The following BAZ1B variants were observed in gnomAD, a reference collection of about 807,000 sequenced individuals.
The protein encoded by BAZ1B is bromodomain adjacent to zinc finger domain 1B, also known as tyrosine-protein kinase BAZ1B.
BAZ1B carries 22 observed loss-of-function variants against 153.8 expected under a neutral mutation model. The ratio of observed to expected loss-of-function variants is 0.14; its 90% confidence interval spans 0.10 to 0.20. The LOEUF is 0.20. BAZ1B is among the 10% of genes least tolerant of loss of function. The pLI is 1.00. For missense variants in BAZ1B, 1,325 were observed against 1,799.3 expected (o/e 0.74, Z 4.77); for synonymous variants, 676 against 633.4 (o/e 1.07, Z -1.01).
chr7:73,461,910 T>C (rs1466474577), intron 12 of BAZ1B, among the ~76,000 whole-genome samples: 1 of 152,196 alleles, frequency 6.6e-6, no homozygotes, highest in African/African-American at 2.4e-5. Context: ...GGCAACATAG[T>C]GAGATTTTGT....
At chr7:73,442,582 G>A (rs1563359574) in intron 18 of BAZ1B, 29 bp from the exon 19 acceptor site, 2 of 1,590,932 alleles carry the variant, frequency 1.3e-6, no homozygotes, top group East Asian at 2.2e-5. Context: ...TGGAGAATCT[G>A]CACAGCCTTG....
In BAZ1B at chr7:73,449,659, T is replaced by C; in HGVS notation, c.3611A>G (p.Glu1204Gly). The C allele has an allele frequency of 1.2e-6, 2 of 1,614,044 alleles. No homozygotes were observed. Among genetic ancestry groups the C allele is most frequent in the Non-Finnish European group, 1.7e-6 (2 of 1,179,992 alleles). ...AAACAGGTGGAAGGCTTTATTACAC[T>C]CATCACACAAGATCAATTTGTCATC... Reference protein sequence around the residue: ...GEDDKLILCDECNKAFHLFCL... With the variant: ...GEDDKLILCDGCNKAFHLFCL... The change falls in exon 15 of 20, where the codon GAG (glutamate) becomes GGG (glycine). Residue 1204 changes from glutamate (E) to glycine (G), a missense_variant. Glu to Gly is a moderately conservative substitution (Grantham distance 98, BLOSUM62 -2). Coordinates refer to ENST00000339594, the MANE Select transcript of BAZ1B (RefSeq NM_032408.4).
chr7:73,508,914 G>A (rs1790458976), intron 2 of BAZ1B, among the ~76,000 whole-genome samples: 1 of 151,996 alleles, frequency 6.6e-6, no homozygotes, highest in South Asian at 2.1e-4. Flanking sequence ...TTGGGAGGCT[G>A]AGGCAGGAGA....
chr7:73,490,132 T>C (rs1310938094), intron 5 of BAZ1B, among the ~76,000 whole-genome samples: 1 of 152,150 alleles, frequency 6.6e-6, no homozygotes, highest in African/African-American at 2.4e-5. Context: ...ACTATTAAAA[T>C]GCAGATGTTT....
intron 3 of BAZ1B, among the ~76,000 whole-genome samples, chr7:73,505,224 T>C (rs961545642): frequency 2.0e-5 from 3 of 152,214 alleles, no homozygotes; most frequent in Admixed American, 6.5e-5. Context: ...TTTCCAGATA[T>C]GCTTCTGGAA....
intron 3 of BAZ1B, among the ~76,000 whole-genome samples, chr7:73,507,789 G>A (rs570721463): frequency 1.3e-5 from 2 of 152,154 alleles, no homozygotes; most frequent in African/African-American, 4.8e-5. Flanking sequence ...GCTTAAGCCA[G>A]GGAGTCCAAG....
chr7:73,518,738 T>TA (rs1554579722), intron 1 of BAZ1B, among the ~76,000 whole-genome samples: 1 of 152,166 alleles, frequency 6.6e-6, no homozygotes, highest in South Asian at 2.1e-4. Context: ...AAACATGCTC[T>TA]AGTCACACTT....
chr7:73,472,265 T>G (rs1231919613), intron 7 of BAZ1B, among the ~76,000 whole-genome samples: 3 of 152,064 alleles, frequency 2.0e-5, no homozygotes, highest in Non-Finnish European at 4.4e-5. Flanking sequence ...TTTTTTTTTT[T>G]TCTTTTTTTT....
chr7:73,452,123 G>T (rs1167658778), intron 13 of BAZ1B, among the ~76,000 whole-genome samples: 1 of 152,096 alleles, frequency 6.6e-6, no homozygotes, highest in Non-Finnish European at 1.5e-5. Context: ...AAATTTGAAG[G>T]TGTTTTGGGA....
At chr7:73,505,179 G>T (rs1790286344) in intron 3 of BAZ1B, among the ~76,000 whole-genome samples, 1 of 152,114 alleles carries the variant, frequency 6.6e-6, no homozygotes, top group Non-Finnish European at 1.5e-5. Flanking sequence ...AAAGATAAAG[G>T]GTGGAGCTTT....
Position 73,442,347 on chromosome 7 carries a change from T to TG in BAZ1B, c.4300dup (p.Gln1434ProfsTer9). 6.2e-7 allele frequency: 1 copy of TG among 1,614,244 alleles called. No homozygotes were observed. The highest frequency in any genetic ancestry group is 8.5e-7 in the Non-Finnish European group (1 of 1,180,058). ...TTTATGCAACAGAGCCACTAGACAC[T>TG]GTTCTGTCTTCACCATGCAGCTTAG... On this transcript the variant is annotated frameshift_variant, in exon 19 of 20. Transcript: ENST00000339594. LOFTEE classifies it high-confidence loss of function.
intron 1 of BAZ1B, among the ~76,000 whole-genome samples, chr7:73,515,632 G>A (rs559030837): frequency 1.3e-5 from 2 of 150,606 alleles, no homozygotes; most frequent in South Asian, 2.1e-4. Flanking sequence ...TTGCCTCCTG[G>A]ACTCAAGTGA....
intron 16 of BAZ1B, among the ~76,000 whole-genome samples, chr7:73,446,550 A>G (rs1554566686): frequency 6.6e-6 from 1 of 150,726 alleles, no homozygotes; most frequent in African/African-American, 2.4e-5. Context: ...CCATCTCAAA[A>G]AAAAAAAAAA....
rs374264183 is a variant in BAZ1B, at chr7:73,492,953, G to A, written c.572-32C>T. ...AAATCATAGAAAATTAGTGAAAAAC[G>A]TAATTATTTTAATCCTTTTCATTCA... On this transcript the variant is annotated intron_variant, in intron 4 of 19. Coordinates refer to ENST00000339594, the MANE Select transcript of BAZ1B (RefSeq NM_032408.4). The A allele has an allele frequency of 2.0e-4, 315 of 1,564,310 alleles. 1 individual carries two copies. Among genetic ancestry groups the A allele is most frequent in the African/African-American group, 1.6e-3 (116 of 72,306 alleles).
At position 73,441,404 on chromosome 7, in the gene BAZ1B, G is replaced by T. The variant is rs1554564882; in HGVS notation, c.*305C>A. On this transcript the variant is annotated 3_prime_UTR_variant, in exon 20 of 20. Transcript: ENST00000339594. ...CCCTAAGAGCTTGACTGGTATGTGG[G>T]TGGGCTGGGCTCCAACACCCCTCTG... 1 of 152,352 alleles carries T rather than the reference G, an allele frequency of 6.6e-6. No homozygotes were observed. The highest frequency in any genetic ancestry group is 1.5e-5 in the Non-Finnish European group (1 of 68,026). 9.4% of individuals were successfully genotyped at this position (152,352 alleles called of 1,614,324 possible). A position where few individuals can be genotyped will look rare whatever the true frequency, so the allele number is the denominator to read the frequency against.
At chr7:73,508,273 G>C in intron 3 of BAZ1B, 54 bp downstream of exon 3, 1 of 1,579,794 alleles carries the variant, frequency 6.3e-7, no homozygotes, top group African/African-American at 1.4e-5. Flanking sequence ...TGTAACCTAC[G>C]ATGACAGCTC....
rs376385598 is a variant in BAZ1B, at chr7:73,508,522, G to A, written c.225-51C>T. On this transcript the variant is annotated intron_variant, in intron 2 of 19. Transcript: ENST00000339594. ...GAAAACACAGAAACACCTACCCAGA[G>A]ATTTAATTCAAGTCAATTCAAACAT... 58 of 1,524,564 alleles carry A rather than the reference G, an allele frequency of 3.8e-5. 1 individual carries two copies. In the East Asian group the frequency reaches 4.6e-4, roughly 12 times the overall value. The allele number at this position is 1,524,564 out of a possible 1,614,324, so 94.4% of individuals were successfully genotyped here.
At chr7:73,486,547 C>G (rs1183141688) in intron 6 of BAZ1B, among the ~76,000 whole-genome samples, 1 of 152,076 alleles carries the variant, frequency 6.6e-6, no homozygotes, top group African/African-American at 2.4e-5. Context: ...AGGATGGTCT[C>G]GATCTCCTGA....
intron 16 of BAZ1B, among the ~76,000 whole-genome samples, chr7:73,444,565 C>T (rs1787754207): frequency 6.6e-6 from 1 of 152,144 alleles, no homozygotes; most frequent in African/African-American, 2.4e-5. Context: ...TAAAACAAAC[C>T]CTATGTTGTA....
Sources: allele counts gnomAD v4.1 joint callset (sites outside exome capture counted in the v4.1 genomes callset), GRCh38; gene constraint gnomAD v4.1.1; transcripts MANE v1.5; gene names NCBI Gene and HGNC (gene_info 2026-07-23, HGNC 2026-07-21).